RIMS2: variants seen among roughly 807,000 people sequenced by gnomAD.
RIMS2 encodes regulating synaptic membrane exocytosis 2.
Under a neutral mutation model 174.4 loss-of-function variants are expected in RIMS2, and 59 were observed. That is an observed-to-expected ratio of 0.34 (90% CI 0.27 to 0.42). RIMS2 has a LOEUF of 0.42. RIMS2 is among the 10% of genes least tolerant of loss of function. RIMS2 has a pLI of 1.00. For synonymous variants in RIMS2, 606 were observed against 572.5 expected (o/e 1.06, Z -0.84); for missense variants, 1,620 against 1,666.3 (o/e 0.97, Z 0.48).
chr8:103,698,486 T>C (rs187414744), intron 2 of RIMS2, among the ~76,000 whole-genome samples: 1 of 152,230 alleles, frequency 6.6e-6, no homozygotes, highest in Admixed American at 6.5e-5. Context: ...GTTTTCTCTA[T>C]CTGTTGAGAT....
At chr8:103,660,024 A>G (rs960547329) in intron 1 of RIMS2, among the ~76,000 whole-genome samples, 7 of 152,186 alleles carry the variant, frequency 4.6e-5, no homozygotes, top group Non-Finnish European at 7.3e-5. Flanking sequence ...TACCAAATTC[A>G]TTGGAGAGAA....
chr8:104,110,225 C>T (rs1392493323), intron 19 of RIMS2, among the ~76,000 whole-genome samples: 7 of 152,048 alleles, frequency 4.6e-5, no homozygotes. Context: ...ACATAAGTGT[C>T]AAAGTAGTGA....
intron 1 of RIMS2, among the ~76,000 whole-genome samples, chr8:103,524,478 G>A (rs983855091): frequency 6.6e-6 from 1 of 152,124 alleles, no homozygotes; most frequent in African/African-American, 2.4e-5. Flanking sequence ...AAAAGTCCTG[G>A]TAGGGCTGGA....
intron 3 of RIMS2, among the ~76,000 whole-genome samples, chr8:103,869,570 G>A (rs140999917): frequency 1.1e-4 from 16 of 151,858 alleles, no homozygotes; most frequent in African/African-American, 2.9e-4. Flanking sequence ...TGATCTGCCC[G>A]CCTCAGCCTC....
At chr8:103,908,181 A>G (rs1037210557) in intron 4 of RIMS2, among the ~76,000 whole-genome samples, 2 of 152,148 alleles carry the variant, frequency 1.3e-5, no homozygotes, top group Non-Finnish European at 1.5e-5. Context: ...AGCTTGGACT[A>G]CAGGCGTGCA....
At chr8:103,862,394 TG>T (rs1396617645) in intron 3 of RIMS2, among the ~76,000 whole-genome samples, 1 of 152,162 alleles carries the variant, frequency 6.6e-6, no homozygotes, top group Non-Finnish European at 1.5e-5. Context: ...TAGTATAATT[TG>T]AAGTCAGGTA....
chr8:103,672,244 G>C (rs1346654991), intron 1 of RIMS2, among the ~76,000 whole-genome samples: 4 of 151,784 alleles, frequency 2.6e-5, no homozygotes, highest in African/African-American at 9.7e-5. Flanking sequence ...ATGTTGAACA[G>C]AAATTTATCT....
At chr8:104,111,274 A>G (rs2098177554) in intron 19 of RIMS2, among the ~76,000 whole-genome samples, 1 of 152,218 alleles carries the variant, frequency 6.6e-6, no homozygotes, top group African/African-American at 2.4e-5. Flanking sequence ...TATTATGAGA[A>G]TTGATCATTT....
At chr8:103,560,267 A>G (rs2091366073) in intron 1 of RIMS2, among the ~76,000 whole-genome samples, 1 of 152,126 alleles carries the variant, frequency 6.6e-6, no homozygotes, top group South Asian at 2.1e-4. Context: ...AGTCCCAGCT[A>G]CTCGGGAGGC....
chr8:104,104,930 G>A (rs2098011515), intron 19 of RIMS2, among the ~76,000 whole-genome samples: 1 of 151,938 alleles, frequency 6.6e-6, no homozygotes, highest in Non-Finnish European at 1.5e-5. Context: ...AAGATTTTAT[G>A]TAGATGCTAT....
At chr8:103,699,788 T>C (rs929325255) in intron 2 of RIMS2, among the ~76,000 whole-genome samples, 2 of 152,176 alleles carry the variant, frequency 1.3e-5, no homozygotes, top group Non-Finnish European at 2.9e-5. Flanking sequence ...GTTTCTTCAT[T>C]TTATTAAGTT....
intron 1 of RIMS2, among the ~76,000 whole-genome samples, chr8:103,608,880 C>T (rs1257164510): frequency 9.9e-5 from 15 of 152,198 alleles, no homozygotes; most frequent in African/African-American, 1.7e-4. Flanking sequence ...CACTGACCTG[C>T]GCCCACTGTC....
At chr8:103,700,635 T>A (rs879857635) in intron 2 of RIMS2, among the ~76,000 whole-genome samples, 6 of 151,794 alleles carry the variant, frequency 4.0e-5, no homozygotes, top group Admixed American at 6.6e-5. Flanking sequence ...ACTGTGATTA[T>A]TGATATGGTT....
chr8:103,863,618 A>G (rs2099069856), intron 3 of RIMS2, among the ~76,000 whole-genome samples: 2 of 151,564 alleles, frequency 1.3e-5, no homozygotes, highest in South Asian at 4.2e-4. Flanking sequence ...TAATGATTCA[A>G]TTTCATTATT....
intron 19 of RIMS2, among the ~76,000 whole-genome samples, 172 bp from the exon 26 acceptor site, chr8:104,244,744 T>C (rs947192804): frequency 6.6e-6 from 1 of 152,186 alleles, no homozygotes; most frequent in African/African-American, 2.4e-5. Context: ...TTCATCCCAC[T>C]CAACATGACA....
At position 104,246,963 on chromosome 8, in the gene RIMS2, T is replaced by G. The variant is rs548168698; in HGVS notation, c.3477-1738T>G. Among the ~76,000 whole-genome samples, 6 of 149,148 alleles carry G rather than the reference T, an allele frequency of 4.0e-5. No homozygotes were observed. In the South Asian group the frequency reaches 1.3e-3, roughly 32 times the overall value. On this transcript the variant is annotated intron_variant, in intron 20 of 23. Transcript: ENST00000504942. Reference sequence around the variant, plus strand: ...TTTTGAGCAGAGGAGTGACAGGATCTGACTTCCGTTTTTGGCATATCAGTC... The same window carrying G: ...TTTTGAGCAGAGGAGTGACAGGATCGGACTTCCGTTTTTGGCATATCAGTC...
At chr8:103,740,878 G>GT (rs993880848) in intron 2 of RIMS2, among the ~76,000 whole-genome samples, 7 of 151,714 alleles carry the variant, frequency 4.6e-5, no homozygotes, top group Admixed American at 1.3e-4. Context: ...TTCTTTCCTT[G>GT]TTTTTTATTG....
At chr8:103,616,180 A>G (rs2095500153) in intron 1 of RIMS2, among the ~76,000 whole-genome samples, 1 of 152,188 alleles carries the variant, frequency 6.6e-6, no homozygotes, top group South Asian at 2.1e-4. Flanking sequence ...ATAATCAGGT[A>G]GGCTTCATCC....
At chr8:103,569,758 A>T (rs943013506) in intron 1 of RIMS2, among the ~76,000 whole-genome samples, 2 of 151,856 alleles carry the variant, frequency 1.3e-5, no homozygotes, top group Non-Finnish European at 2.9e-5. Flanking sequence ...CTAGGACTAC[A>T]AGCATGTGCT....
Sources: allele counts gnomAD v4.1 joint callset (sites outside exome capture counted in the v4.1 genomes callset), GRCh38; gene constraint gnomAD v4.1.1; transcripts MANE v1.5; gene names NCBI Gene and HGNC (gene_info 2026-07-23, HGNC 2026-07-21).